FAP: variants seen among roughly 807,000 people sequenced by gnomAD.
The protein encoded by FAP is prolyl endopeptidase FAP.
In FAP, 110 loss-of-function variants were observed where a neutral mutation model predicts 126.5. The ratio of observed to expected loss-of-function variants is 0.87; its 90% CI spans 0.74 to 1.02. The LOEUF (loss-of-function observed/expected upper bound fraction) is 1.02. FAP is among the 50% of genes least tolerant of loss of function. The pLI is 0.00. For missense variants in FAP, 919 were observed against 909.2 expected, an observed-to-expected ratio of 1.01 and a Z score of -0.14; for synonymous variants, 334 against 297.3, an observed-to-expected ratio of 1.12 and a Z score of -1.27.
chr2:162,235,170 C>T (rs1274462047), intron 2 of FAP, among the ~76,000 whole-genome samples: 24 of 151,814 alleles, frequency 1.6e-4, no homozygotes, highest in African/African-American at 5.3e-4. Flanking sequence ...CCGCACCGCC[C>T]GCCCCCTGTC....
intron 20 of FAP, among the ~76,000 whole-genome samples, chr2:162,185,853 A>G (rs970867994): frequency 9.2e-5 from 14 of 152,136 alleles, no homozygotes; most frequent in African/African-American, 3.4e-4. Flanking sequence ...CTTCCTTAGG[A>G]GGTATATTGA....
In FAP at chr2:162,183,355, T is replaced by C. The variant is rs1687755314; in HGVS notation, c.1869+59A>G. On this transcript the variant is annotated intron_variant, in intron 21 of 25. Transcript: ENST00000188790. ...CATGAGAAACCTTCTAAACGAACAC[T>C]TCAGAAAATGATGATTGCTGAACTG... The C allele has an allele frequency of 7.1e-6, 9 of 1,273,170 alleles. No homozygotes were observed. In the South Asian group the frequency reaches 1.1e-4, roughly 16 times the overall value. The allele number at this position is 1,273,170 out of a possible 1,614,324, so 78.9% of individuals were successfully genotyped here. A position where few individuals can be genotyped will look rare whatever the true frequency, so the allele number is the denominator to read the frequency against.
chr2:162,213,997 C>T lies in FAP; in HGVS notation c.943G>A (p.Val315Ile), dbSNP rs1466606239. Residue 315 changes from valine (V) to isoleucine (I), a missense_variant, in exon 11 of 26, where the codon GTT becomes ATT. Coordinates refer to ENST00000188790, the MANE Select transcript of FAP (RefSeq NM_004460.5). Reference protein sequence around the residue: ...CLQWLKRVQNVSVLSICDFRE... With the variant: ...CLQWLKRVQNISVLSICDFRE... ...AAGTCACATATAGACAGGACCGAAACATTCTGGACTCTTTTTAGCCACTGC... is the reference window on the plus strand; with the variant it reads ...AAGTCACATATAGACAGGACCGAAATATTCTGGACTCTTTTTAGCCACTGC... 5 of 1,613,948 alleles carry T rather than the reference C, an allele frequency of 3.1e-6. No homozygotes were observed. The African/African-American group carries it at 4.0e-5, about 13-fold the overall frequency.
At chr2:162,176,523 C>T (rs183098927) in intron 21 of FAP, 107 of 152,186 alleles carry the variant, frequency 7.0e-4, no homozygotes, top group African/African-American at 2.6e-3. Flanking sequence ...AATTCTCTGT[C>T]TGGTTTAAAC....
chr2:162,189,993 A>G (rs1687983623), intron 17 of FAP, among the ~76,000 whole-genome samples: 1 of 152,022 alleles, frequency 6.6e-6, no homozygotes, highest in Non-Finnish European at 1.5e-5. Context: ...ATCAGAACAC[A>G]TTTTGAGCAA....
At chr2:162,209,860 G>T (rs1228988971) in intron 12 of FAP, 92 bp downstream of exon 12, 9 of 1,078,120 alleles carry the variant, frequency 8.3e-6, no homozygotes, top group Non-Finnish European at 9.9e-6. Context: ...AAAATAAGTA[G>T]TGCCAGTTTG....
intron 19 of FAP, among the ~76,000 whole-genome samples, 181 bp downstream of exon 19, chr2:162,188,922 A>C (rs560500301): frequency 8.8e-4 from 134 of 152,190 alleles, no homozygotes; most frequent in African/African-American, 2.9e-3. Context: ...AAAATCTCAA[A>C]ACTTCCTCAA....
chr2:162,243,018 A>T, intron 1 of FAP, 26 bp from the exon 2 acceptor site: 1 of 1,564,336 alleles, frequency 6.4e-7, no homozygotes, highest in South Asian at 1.1e-5. Flanking sequence ...AGAATTAGGC[A>T]TACACACAGT....
At chr2:162,240,313 A>G (rs910160186) in intron 2 of FAP, among the ~76,000 whole-genome samples, 9 of 152,258 alleles carry the variant, frequency 5.9e-5, no homozygotes, top group African/African-American at 2.2e-4. Flanking sequence ...TTTCACTACT[A>G]CATTTCATAT....
intron 21 of FAP, among the ~76,000 whole-genome samples, chr2:162,182,033 C>T (rs1030707550): frequency 3.3e-5 from 5 of 152,066 alleles, no homozygotes; most frequent in African/African-American, 9.7e-5. Context: ...AAGCAATTGA[C>T]GGGTGGGGGT....
intron 10 of FAP, among the ~76,000 whole-genome samples, chr2:162,215,473 G>A (rs1430633893): frequency 1.3e-5 from 2 of 152,186 alleles, no homozygotes; most frequent in African/African-American, 2.4e-5. Flanking sequence ...AGATAAATGA[G>A]AATAGCCTGC....
intron 16 of FAP, chr2:162,198,442 C>G (rs1688350963): frequency 1.0e-6 from 1 of 988,508 alleles, no homozygotes; most frequent in Non-Finnish European, 1.4e-6. Flanking sequence ...AGTCTTAGTG[C>G]TGTGGAATGT....
At position 162,200,460 on chromosome 2, in the gene FAP, T is replaced by C; in HGVS notation, c.1277+106A>G. ...TTTCTCTAAATTCATAAATGATTTT[T>C]ATTATGTGCCATACTTTAAAAATAT... On this transcript the variant is annotated intron_variant, in intron 15 of 25. Coordinates refer to ENST00000188790, the MANE Select transcript of FAP (RefSeq NM_004460.5). 4 of 640,196 alleles carry C rather than the reference T, an allele frequency of 6.2e-6. No individual in the cohort carries two copies. In the Admixed American group the frequency reaches 1.3e-4, roughly 21 times the overall value. 39.7% of individuals were successfully genotyped at this position (640,196 alleles called of 1,614,324 possible). A position where few individuals can be genotyped will look rare whatever the true frequency, so the allele number is the denominator to read the frequency against.
At chr2:162,241,216 A>G (rs1690331313) in intron 2 of FAP, among the ~76,000 whole-genome samples, 1 of 152,210 alleles carries the variant, frequency 6.6e-6, no homozygotes, top group Admixed American at 6.5e-5. Context: ...TCACCCTATC[A>G]AGAAATCACT....
chr2:162,224,217 T>A (rs190140142), intron 5 of FAP, among the ~76,000 whole-genome samples: 28 of 152,322 alleles, frequency 1.8e-4, no homozygotes, highest in Non-Finnish European at 3.1e-4. Flanking sequence ...TGTTTTCTTG[T>A]TAAGTATGTT....
Position 162,179,812 on chromosome 2 carries a change from A to ATATT in FAP, c.1869+3601_1869+3602insAATA, listed in dbSNP as rs1491388012. ...TATCTATATATATATATATATATAT[A>ATATT]TTTTTTTTTTTTTTGAGATGGAGTC... On this transcript the variant is annotated intron_variant, in intron 21 of 25. Transcript: ENST00000188790. 3.7e-3 allele frequency among the ~76,000 whole-genome samples: 334 copies of ATATT among 90,414 alleles called. 1 individual carries two copies. The highest frequency in any genetic ancestry group is 9.4e-3 in the African/African-American group (259 of 27,700). The allele number at this position is 90,414 out of a possible 152,430, so 59.3% of individuals were successfully genotyped here.
At chr2:162,232,872 G>A (rs531935667) in intron 2 of FAP, among the ~76,000 whole-genome samples, 3 of 152,316 alleles carry the variant, frequency 2.0e-5, no homozygotes, top group African/African-American at 4.8e-5. Context: ...TGACTCTGAA[G>A]ATGAAAGCAA....
At chr2:162,235,772 C>T (rs1690105909) in intron 2 of FAP, among the ~76,000 whole-genome samples, 2 of 152,164 alleles carry the variant, frequency 1.3e-5, no homozygotes, top group Admixed American at 6.5e-5. Context: ...TTCTTTCGCT[C>T]TTTGCAATAA....
chr2:162,241,000 C>T (rs765931984), intron 2 of FAP, among the ~76,000 whole-genome samples: 3 of 152,082 alleles, frequency 2.0e-5, no homozygotes, highest in African/African-American at 7.2e-5. Flanking sequence ...CTGACTTCCC[C>T]GGGTCCTGCT....
Sources: allele counts gnomAD v4.1 joint callset (sites outside exome capture counted in the v4.1 genomes callset), GRCh38; gene constraint gnomAD v4.1.1; transcripts MANE v1.5; gene names NCBI Gene and HGNC (gene_info 2026-07-23, HGNC 2026-07-21).